Variants in ZFP64 observed in about 807,000 individuals in gnomAD.
The protein encoded by ZFP64 is zinc finger protein 64.
Under a neutral mutation model 51.6 loss-of-function variants are expected in ZFP64, and 14 were observed. The observed-to-expected ratio is 0.27, with a 90% CI of 0.18 to 0.42. The LOEUF is 0.42. ZFP64 is among the 10% of genes least tolerant of loss of function. The probability of loss-of-function intolerance (pLI) is 1.00; values close to 1 mark genes in which losing one functional copy is unlikely to be tolerated. For missense variants in ZFP64, 754 were observed against 906.8 expected (o/e 0.83, Z 2.16); for synonymous variants, 375 against 361.4 (o/e 1.04, Z -0.43).
chr20:52,094,718 G>A (rs559767123), intron 7 of ZFP64, among the ~76,000 whole-genome samples: 3 of 152,142 alleles, frequency 2.0e-5, no homozygotes, highest in Non-Finnish European at 2.9e-5. Flanking sequence ...GGGTGACAGA[G>A]CAAGAGAAGA....
intron 2 of ZFP64, among the ~76,000 whole-genome samples, chr20:52,177,526 T>A (rs1455944748): frequency 2.0e-5 from 3 of 151,898 alleles, no homozygotes; most frequent in Non-Finnish European, 4.4e-5. Context: ...TGCTTGTGGG[T>A]GTGCCTGAGA....
At chr20:52,126,140 C>T (rs60793583) in intron 5 of ZFP64, among the ~76,000 whole-genome samples, 25,523 of 152,076 alleles carry the variant, frequency 0.17, 2,313 homozygotes, top group Non-Finnish European at 0.2. Flanking sequence ...TCAGGTGATG[C>T]GCCTGCCTCG....
chr20:52,102,107 C>CCAAAAAAAAAAAAAAAAAAAAAAAA (rs551838560), intron 5 of ZFP64, among the ~76,000 whole-genome samples: 1 of 63,438 alleles, frequency 1.6e-5, no homozygotes, highest in African/African-American at 6.8e-5. Context: ...ACTCCATCTC[C>CCAAAAAAAAAAAAAAAAAAAAAAAA]AAAAAAAAAA....
chr20:52,165,931 A>G lies in ZFP64; in HGVS notation c.381T>C (p.Pro127=), dbSNP rs781502506. Residue 127 remains proline (P), a synonymous_variant, in exon 3 of 6, where the codon CCT becomes CCC. Coordinates refer to ENST00000216923, the MANE Select transcript of ZFP64 (RefSeq NM_018197.3). The stretch of plus-strand genomic sequence containing the variant: ...TGGGCTTTTTGGTGCGTGACTTGGC[A>G]GGGAGAGAGATGACAGTGGCTGTCT... The part of the protein sequence containing the change: ...ENQTATVISL[P]AKSRTKKPTT... The G allele has an allele frequency of 2.5e-6, 4 of 1,614,160 alleles. No individual in the cohort carries two copies. In the Admixed American group the frequency reaches 6.7e-5, roughly 27 times the overall value.
rs183291968 is a variant in ZFP64 at position 52,180,679 on chromosome 20, T to C, written c.286+6153A>G. Among the ~76,000 whole-genome samples, 12 of 152,296 alleles carry C rather than the reference T, an allele frequency of 7.9e-5. No individual in the cohort carries two copies. The East Asian group carries it at 9.6e-4, about 12-fold the overall frequency. Reference sequence around the variant, plus strand: ...GTTTACTTTCACAGCCCCCTGATTATGTAATGAGAGCTAACAGTGACAGCT... The same window carrying C: ...GTTTACTTTCACAGCCCCCTGATTACGTAATGAGAGCTAACAGTGACAGCT... On this transcript the variant is annotated intron_variant, in intron 2 of 5. Coordinates refer to ENST00000216923, the MANE Select transcript of ZFP64 (RefSeq NM_018197.3).
chr20:52,156,311 T>C (rs569583919), intron 5 of ZFP64, among the ~76,000 whole-genome samples: 5 of 152,310 alleles, frequency 3.3e-5, no homozygotes, highest in South Asian at 2.1e-4. Context: ...AACCATGTCG[T>C]TGGGTTTGGC....
chr20:52,180,594 C>T (rs1019791483), intron 2 of ZFP64, among the ~76,000 whole-genome samples: 1 of 142,584 alleles, frequency 7.0e-6, no homozygotes, highest in African/African-American at 2.6e-5. Context: ...GTGATCAATT[C>T]AATGAATATT....
chr20:52,101,940 CAAA>C (rs1190342919), intron 5 of ZFP64, among the ~76,000 whole-genome samples: 15 of 77,688 alleles, frequency 1.9e-4, no homozygotes, highest in African/African-American at 4.7e-4. Context: ...CTAAAAATAC[CAAA>C]AAAAAAAAAA....
downstream of ZFP64, among the ~76,000 whole-genome samples, chr20:52,148,866 A>G (rs150369868): frequency 2.2e-3 from 330 of 152,336 alleles, no homozygotes; most frequent in African/African-American, 7.9e-3. Flanking sequence ...GAAGAATCTA[A>G]CTACAGAAAA....
At chr20:52,178,677 C>A (rs530420579) in intron 2 of ZFP64, among the ~76,000 whole-genome samples, 1 of 151,958 alleles carries the variant, frequency 6.6e-6, no homozygotes, top group Non-Finnish European at 1.5e-5. Context: ...CCTGAGCTTC[C>A]CCCACCCCCT....
At chr20:52,155,084 A>G (rs1981195713) in intron 5 of ZFP64, among the ~76,000 whole-genome samples, 1 of 152,210 alleles carries the variant, frequency 6.6e-6, no homozygotes, top group African/African-American at 2.4e-5. Context: ...AATTATATTA[A>G]AATAGTTATT....
chr20:52,119,842 G>C (rs1979090709), intron 5 of ZFP64, among the ~76,000 whole-genome samples: 1 of 152,086 alleles, frequency 6.6e-6, no homozygotes, highest in South Asian at 2.1e-4. Flanking sequence ...AGAGGTGCAG[G>C]GAGTACAGGA....
At chr20:52,113,150 C>T (rs1257655398) in intron 5 of ZFP64, among the ~76,000 whole-genome samples, 7 of 151,968 alleles carry the variant, frequency 4.6e-5, no homozygotes, top group South Asian at 2.1e-4. Context: ...CCGGTTAACA[C>T]GGTGAAACCC....
At position 52,186,960 on chromosome 20, in the gene ZFP64, C is replaced by G; in HGVS notation, c.158G>C (p.Gly53Ala). 1 of 1,614,096 alleles carries G rather than the reference C, an allele frequency of 6.2e-7. No individual in the cohort carries two copies. The highest frequency in any genetic ancestry group is 8.5e-7 in the Non-Finnish European group (1 of 1,179,976). Residue 53 changes from glycine to alanine, a missense_variant, in exon 2 of 6, where the codon GGC becomes GCC. Physicochemically the swap from Gly to Ala is moderately conservative, Grantham distance 60. Around this residue, in one of 3 missense-constraint regions of ZFP64, gnomAD observed 95 missense variants for 97.7 expected, o/e 0.97. Transcript: ENST00000216923. ...LDAFVAHKQS[G>A]CQLTGTSAAA... is the part of the protein sequence containing the mutation. ...TGCGGATGTGCCTGTCAGCTGGCAG[C>G]CACTTTGCTTGTGAGCTACAAAGGC...
chr20:52,150,421 A>G (rs1980736943), downstream of ZFP64, among the ~76,000 whole-genome samples: 1 of 152,204 alleles, frequency 6.6e-6, no homozygotes, highest in Non-Finnish European at 1.5e-5. Context: ...GGACCATGAC[A>G]ATGGAAGTTT....
At chr20:52,165,204 G>A (rs968160138) in intron 3 of ZFP64, 5 of 456,956 alleles carry the variant, frequency 1.1e-5, no homozygotes, top group Admixed American at 2.3e-5. Context: ...ACTTGATGAC[G>A]AAATCTGACT....
chr20:52,170,777 C>T (rs1280864414), intron 2 of ZFP64, among the ~76,000 whole-genome samples: 1 of 152,174 alleles, frequency 6.6e-6, no homozygotes, highest in African/African-American at 2.4e-5. Context: ...TGACTGTGTG[C>T]CAGGAACTGT....
intron 8 of ZFP64, among the ~76,000 whole-genome samples, chr20:52,087,696 G>A (rs1338360609): frequency 6.6e-6 from 1 of 152,204 alleles, no homozygotes; most frequent in African/African-American, 2.4e-5. Context: ...GCCTTGGCTA[G>A]TCCCCCAAGC....
At chr20:52,190,485 A>T (rs1984289079) in intron 1 of ZFP64, among the ~76,000 whole-genome samples, 1 of 152,162 alleles carries the variant, frequency 6.6e-6, no homozygotes, top group Admixed American at 6.5e-5. Context: ...TTTCTCCAAG[A>T]AAAAACACGG....
Sources: gnomAD v4.1 joint callset for allele counts (sites outside exome capture counted in the v4.1 genomes callset) on GRCh38, gnomAD v4.1.1 for gene constraint, gnomAD v4.1.1 regional missense constraint, MANE v1.5 for transcripts, NCBI Gene and HGNC (gene_info 2026-07-23, HGNC 2026-07-21) for gene names.